The following KCTD16 variants were observed in gnomAD, a reference collection of about 807,000 sequenced individuals.
KCTD16 encodes the protein potassium channel tetramerization domain containing 16.
In KCTD16, 13 loss-of-function variants were observed where a neutral mutation model predicts 33.2. The ratio of observed to expected loss-of-function variants is 0.39; its 90% CI spans 0.25 to 0.62. KCTD16 has a LOEUF of 0.62. Ranked by LOEUF, KCTD16 falls within the 20% of genes least tolerant of loss-of-function variation. KCTD16 has a pLI of 0.50. For missense variants in KCTD16, 441 were observed against 525.1 expected (o/e 0.84, Z 1.57); for synonymous variants, 197 against 195.3 (o/e 1.01, Z -0.07).
intron 2 of KCTD16, among the ~76,000 whole-genome samples, chr5:144,186,437 A>C (rs1408015094): frequency 6.6e-6 from 1 of 152,090 alleles, no homozygotes; most frequent in Non-Finnish European, 1.5e-5. Context: ...TTAAATAAAA[A>C]ATTGTACATG....
At chr5:144,335,119 T>C (rs1752454125) in intron 3 of KCTD16, among the ~76,000 whole-genome samples, 1 of 152,092 alleles carries the variant, frequency 6.6e-6, no homozygotes, top group Admixed American at 6.6e-5. Flanking sequence ...GCACTGTACA[T>C]GGTGTCAATC....
Position 144,206,713 on chromosome 5 carries a change from C to G in KCTD16, c.-2C>G. ...AAATAGCAGCAGCAGAAGAAAGGGA[C>G]AATGGCTCTGAGTGGAAACTGTAGT... On this transcript the variant is annotated 5_prime_UTR_variant, in exon 3 of 4. Transcript: ENST00000512467. 6.2e-7 allele frequency: 1 copy of G among 1,607,910 alleles called. No homozygotes were observed. Among genetic ancestry groups the G allele is most frequent in the Non-Finnish European group, 8.5e-7 (1 of 1,176,078 alleles).
At chr5:144,377,499 A>C (rs1408179628) in intron 3 of KCTD16, among the ~76,000 whole-genome samples, 1 of 152,224 alleles carries the variant, frequency 6.6e-6, no homozygotes, top group Non-Finnish European at 1.5e-5. Flanking sequence ...ACAATTAAAG[A>C]AAATGCCTCT....
At chr5:144,180,812 AC>A (rs1347650415) in intron 2 of KCTD16, among the ~76,000 whole-genome samples, 1 of 152,314 alleles carries the variant, frequency 6.6e-6, no homozygotes, top group East Asian at 1.9e-4. Flanking sequence ...AAGCTGTATT[AC>A]CATTTCTACA....
intron 3 of KCTD16, among the ~76,000 whole-genome samples, chr5:144,434,539 A>T (rs1753534505): frequency 6.6e-6 from 1 of 152,094 alleles, no homozygotes; most frequent in African/African-American, 2.4e-5. Context: ...GCTTCATCTC[A>T]TTTATTAATA....
chr5:144,264,817 C>T (rs1755100592), intron 3 of KCTD16, among the ~76,000 whole-genome samples: 1 of 152,172 alleles, frequency 6.6e-6, no homozygotes, highest in Admixed American at 6.5e-5. Context: ...CTTTAAGTCT[C>T]AAACTTTTCC....
intron 3 of KCTD16, among the ~76,000 whole-genome samples, chr5:144,442,209 G>A (rs1282756871): frequency 6.6e-6 from 1 of 152,138 alleles, no homozygotes; most frequent in Non-Finnish European, 1.5e-5. Flanking sequence ...GTCAGAAGTA[G>A]TGTTTAAGCC....
chr5:144,284,787 A>G (rs1755699497), intron 3 of KCTD16, among the ~76,000 whole-genome samples: 2 of 152,212 alleles, frequency 1.3e-5, no homozygotes, highest in African/African-American at 2.4e-5. Flanking sequence ...TAGAAACAGA[A>G]CATTGGTTAA....
At chr5:144,200,393 G>A (rs1753020967) in intron 2 of KCTD16, among the ~76,000 whole-genome samples, 1 of 152,080 alleles carries the variant, frequency 6.6e-6, no homozygotes, top group African/African-American at 2.4e-5. Flanking sequence ...GACCCCGAAG[G>A]ATCTCCACTC....
At chr5:144,346,084 C>T (rs1201871314) in intron 3 of KCTD16, among the ~76,000 whole-genome samples, 1 of 151,858 alleles carries the variant, frequency 6.6e-6, no homozygotes, top group Non-Finnish European at 1.5e-5. Flanking sequence ...TTTTAGATCC[C>T]ACAAATAAGT....
chr5:144,268,348 A>G (rs1349817727), intron 3 of KCTD16, among the ~76,000 whole-genome samples: 2 of 152,142 alleles, frequency 1.3e-5, no homozygotes, highest in South Asian at 2.1e-4. Flanking sequence ...CCTCCATCTG[A>G]GGTGACCTCT....
intron 3 of KCTD16, among the ~76,000 whole-genome samples, chr5:144,252,116 A>G (rs1399592051): frequency 6.6e-6 from 1 of 152,180 alleles, no homozygotes; most frequent in Non-Finnish European, 1.5e-5. Context: ...GTGTTTGTAC[A>G]TGGTGAGAAT....
intron 3 of KCTD16, among the ~76,000 whole-genome samples, chr5:144,437,596 G>C (rs577432285): frequency 1.9e-4 from 29 of 152,282 alleles, no homozygotes; most frequent in African/African-American, 7.0e-4. Flanking sequence ...ATAGGAAAGA[G>C]TTAATACTGG....
intron 3 of KCTD16, among the ~76,000 whole-genome samples, chr5:144,215,557 A>G (rs1332382573): frequency 1.3e-5 from 2 of 152,218 alleles, no homozygotes; most frequent in African/African-American, 4.8e-5. Flanking sequence ...CTTTGCTACC[A>G]CCAGATACAT....
At chr5:144,207,782 T>G (rs1229278655) in intron 3 of KCTD16, among the ~76,000 whole-genome samples, 1 of 152,232 alleles carries the variant, frequency 6.6e-6, no homozygotes, top group Non-Finnish European at 1.5e-5. Flanking sequence ...ATGCAAATGA[T>G]ATTGGTATAT....
intron 3 of KCTD16, among the ~76,000 whole-genome samples, chr5:144,409,347 G>A (rs2126952470): frequency 6.6e-6 from 1 of 152,120 alleles, no homozygotes; most frequent in Admixed American, 6.5e-5. Flanking sequence ...GCATATTATA[G>A]GTTGGAAACT....
chr5:144,471,234 G>A (rs989976749), intron 3 of KCTD16, among the ~76,000 whole-genome samples: 1 of 152,098 alleles, frequency 6.6e-6, no homozygotes, highest in Non-Finnish European at 1.5e-5. Context: ...TTTTGTAGAA[G>A]ACTCAAGTTT....
intron 3 of KCTD16, among the ~76,000 whole-genome samples, chr5:144,457,670 A>G (rs1187098251): frequency 1.3e-5 from 2 of 152,224 alleles, no homozygotes; most frequent in Non-Finnish European, 2.9e-5. Flanking sequence ...AAGACTGACA[A>G]TAACAGGGAT....
chr5:144,217,940 G>T (rs1016886069), intron 3 of KCTD16, among the ~76,000 whole-genome samples: 1 of 152,040 alleles, frequency 6.6e-6, no homozygotes, highest in African/African-American at 2.4e-5. Flanking sequence ...GCAGATTTAG[G>T]TCTAGCCTCA....
Sources: allele counts gnomAD v4.1 joint callset (sites outside exome capture counted in the v4.1 genomes callset), GRCh38; gene constraint gnomAD v4.1.1; transcripts MANE v1.5; gene names NCBI Gene and HGNC (gene_info 2026-07-23, HGNC 2026-07-21).